Variants in PDZRN4 observed in about 807,000 individuals in gnomAD.
PDZRN4 encodes PDZ domain containing ring finger 4, also known as PDZ domain-containing RING finger protein 4.
A neutral mutation model predicts 99.0 loss-of-function variants in PDZRN4; 70 were observed. That is an observed-to-expected ratio of 0.71 (90% CI 0.58 to 0.86). The LOEUF (loss-of-function observed/expected upper bound fraction) is 0.86, where lower values mean the gene tolerates loss of function less well. Ranked by LOEUF, PDZRN4 falls within the 40% of genes least tolerant of loss-of-function variation. The pLI, the probability that PDZRN4 is intolerant of heterozygous loss-of-function variation, is 0.00. For synonymous variants in PDZRN4, 551 were observed against 501.6 expected (o/e 1.10, Z -1.32); for missense variants, 1,474 against 1,331.2 (o/e 1.11, Z -1.67).
rs920295525 is a variant in PDZRN4, at chr12:41,469,724, G to A, written c.844-36732G>A. 3.7e-4 allele frequency among the ~76,000 whole-genome samples: 57 copies of A among 152,122 alleles called. 1 individual carries two copies. The highest frequency in any genetic ancestry group is 1.4e-3 in the African/African-American group (57 of 41,438). ...AGGGGGGCCGATCACGAGGTCAGGAGATCGAGACCATCCTGGCTAACACGG... is the reference window on the plus strand; with the variant it reads ...AGGGGGGCCGATCACGAGGTCAGGAAATCGAGACCATCCTGGCTAACACGG... On this transcript the variant is annotated intron_variant, in intron 3 of 9. Coordinates refer to ENST00000402685, the MANE Select transcript of PDZRN4 (RefSeq NM_001164595.2).
At chr12:41,312,827 C>A (rs1354779115) in intron 3 of PDZRN4, among the ~76,000 whole-genome samples, 1 of 151,956 alleles carries the variant, frequency 6.6e-6, no homozygotes, top group East Asian at 1.9e-4. Flanking sequence ...AACCCTATCA[C>A]CTTCTTTTCT....
chr12:41,555,794 C>A, intron 7 of PDZRN4, 34 bp downstream of exon 7: 5 of 1,489,390 alleles, frequency 3.4e-6, no homozygotes, highest in South Asian at 1.1e-5. Flanking sequence ...TAGTTCCCCA[C>A]GATCTGTCCA....
At chr12:41,362,980 A>T (rs185849434) in intron 3 of PDZRN4, among the ~76,000 whole-genome samples, 1 of 152,086 alleles carries the variant, frequency 6.6e-6, no homozygotes, top group Non-Finnish European at 1.5e-5. Flanking sequence ...TTTTCTTTCC[A>T]GAGAAAAGTA....
At chr12:41,456,219 C>G (rs1056621792) in intron 3 of PDZRN4, among the ~76,000 whole-genome samples, 1 of 152,226 alleles carries the variant, frequency 6.6e-6, no homozygotes, top group Non-Finnish European at 1.5e-5. Context: ...TTATACCTTG[C>G]TCAGAGAACA....
At chr12:41,367,448 G>A (rs963544439) in intron 3 of PDZRN4, among the ~76,000 whole-genome samples, 6 of 152,104 alleles carry the variant, frequency 3.9e-5, no homozygotes, top group African/African-American at 1.2e-4. Context: ...GGCAGAGGTT[G>A]TAGTGAGTCG....
chr12:41,557,667 G>GAT (rs1161491207), intron 7 of PDZRN4, among the ~76,000 whole-genome samples: 1 of 151,458 alleles, frequency 6.6e-6, no homozygotes, highest in African/African-American at 2.4e-5. Flanking sequence ...CCTCTAGCTA[G>GAT]ATAGTGCAGA....
intron 3 of PDZRN4, among the ~76,000 whole-genome samples, chr12:41,404,227 C>T (rs1277662386): frequency 1.3e-5 from 2 of 152,004 alleles, no homozygotes; most frequent in Non-Finnish European, 2.9e-5. Flanking sequence ...AGATGCAAAA[C>T]CCATGGATTC....
intron 3 of PDZRN4, among the ~76,000 whole-genome samples, chr12:41,292,795 C>T (rs1951464751): frequency 6.6e-6 from 1 of 152,164 alleles, no homozygotes; most frequent in African/African-American, 2.4e-5. Flanking sequence ...GAAACTATGT[C>T]CCAGAGAGTT....
At chr12:41,205,044 A>T (rs746673563) in intron 3 of PDZRN4, among the ~76,000 whole-genome samples, 2 of 151,934 alleles carry the variant, frequency 1.3e-5, no homozygotes, top group Non-Finnish European at 2.9e-5. Context: ...TGATTCATAG[A>T]CTATAAGATA....
At chr12:41,333,078 A>G (rs918729136) in intron 3 of PDZRN4, among the ~76,000 whole-genome samples, 2 of 152,128 alleles carry the variant, frequency 1.3e-5, no homozygotes, top group Non-Finnish European at 2.9e-5. Flanking sequence ...TGGCAGCCTG[A>G]CCTCAAAGCC....
chr12:41,338,546 A>G (rs1951791749), intron 3 of PDZRN4, among the ~76,000 whole-genome samples: 1 of 152,054 alleles, frequency 6.6e-6, no homozygotes, highest in Non-Finnish European at 1.5e-5. Context: ...AGATAAAAAA[A>G]TCAACAAAAC....
rs553343074 is a variant in PDZRN4 at position 41,337,437 on chromosome 12, A to C, written c.843+143249A>C. Among the ~76,000 whole-genome samples, 221 of 152,218 alleles carry C rather than the reference A, an allele frequency of 1.5e-3. 1 individual carries two copies. Among genetic ancestry groups the C allele is most frequent in the African/African-American group, 1.9e-3 (78 of 41,548 alleles). On this transcript the variant is annotated intron_variant, in intron 3 of 9. Transcript: ENST00000402685. ...AAGAAGAAGAAGAGTACCACCAAAA[A>C]TGGGGAAGATAAATGGACAACCAGA...
chr12:41,571,359 C>G (rs1179899782), intron 9 of PDZRN4, among the ~76,000 whole-genome samples: 1 of 96,610 alleles, frequency 1.0e-5, no homozygotes, highest in Non-Finnish European at 1.9e-5. Flanking sequence ...CTCTCTCTCT[C>G]TCTCTCTCTC....
rs537247167 is a variant in PDZRN4, at chr12:41,373,012, C to T, written c.844-133444C>T. Among the ~76,000 whole-genome samples the T allele has an allele frequency of 4.6e-5, 7 of 152,108 alleles. No homozygotes were observed. In the East Asian group the frequency reaches 7.7e-4, roughly 17 times the overall value. ...TAGAGAAATTTTAAAGCTGGGTGTC[C>T]GGGGGAGACATCACATGTCAGCAGG... On this transcript the variant is annotated intron_variant, in intron 3 of 9. Transcript: ENST00000402685.
At chr12:41,318,325 A>G (rs1951652748) in intron 3 of PDZRN4, among the ~76,000 whole-genome samples, 1 of 152,210 alleles carries the variant, frequency 6.6e-6, no homozygotes, top group Non-Finnish European at 1.5e-5. Flanking sequence ...AATCAAAATT[A>G]TTTCCATACT....
At chr12:41,389,909 T>A (rs145646320) in intron 3 of PDZRN4, among the ~76,000 whole-genome samples, 76 of 152,338 alleles carry the variant, frequency 5.0e-4, no homozygotes, top group Admixed American at 7.8e-4. Flanking sequence ...CATTCACCAT[T>A]ACATTCAGAG....
intron 3 of PDZRN4, among the ~76,000 whole-genome samples, chr12:41,494,497 A>G (rs529190924): frequency 1.7e-4 from 26 of 152,274 alleles, no homozygotes; most frequent in Non-Finnish European, 3.1e-4. Context: ...AGGTGCACTT[A>G]GAGACGACCA....
At chr12:41,280,287 C>A (rs1951374984) in intron 3 of PDZRN4, among the ~76,000 whole-genome samples, 1 of 152,156 alleles carries the variant, frequency 6.6e-6, no homozygotes, top group Non-Finnish European at 1.5e-5. Context: ...AATTGGGCAG[C>A]CATTTGGGCA....
intron 3 of PDZRN4, among the ~76,000 whole-genome samples, chr12:41,364,167 A>T (rs902123584): frequency 2.0e-5 from 3 of 152,110 alleles, no homozygotes; most frequent in Admixed American, 6.6e-5. Context: ...AGTATGGAAC[A>T]TCCAGTGTAT....
Sources: gnomAD v4.1 joint callset for allele counts (sites outside exome capture counted in the v4.1 genomes callset) on GRCh38, gnomAD v4.1.1 for gene constraint, MANE v1.5 for transcripts, NCBI Gene and HGNC (gene_info 2026-07-23, HGNC 2026-07-21) for gene names.